Variants in C4orf17 observed in about 807,000 individuals in gnomAD.
C4orf17 encodes uncharacterized protein C4orf17.
Under a neutral mutation model 32.0 loss-of-function variants are expected in C4orf17, and 25 were observed. The observed-to-expected ratio is 0.78, with a 90% confidence interval of 0.57 to 1.09. C4orf17 has a LOEUF of 1.09. Ranked by LOEUF, C4orf17 falls within the 50% of genes least tolerant of loss-of-function variation. The pLI, the probability that C4orf17 is intolerant of heterozygous loss-of-function variation, is 0.00. For missense variants in C4orf17, 420 were observed against 420.0 expected (o/e 1.00, Z 0.00); for synonymous variants, 149 against 145.8 (o/e 1.02, Z -0.16).
chr4:99,537,939 G>A (rs1004894250), intron 6 of C4orf17, among the ~76,000 whole-genome samples, 189 bp downstream of exon 6: 1 of 152,136 alleles, frequency 6.6e-6, no homozygotes, highest in Non-Finnish European at 1.5e-5. Flanking sequence ...GTCATTCAAT[G>A]AACCCAAAAT....
At chr4:99,536,100 G>A (rs1285031782) in intron 5 of C4orf17, 1 of 368,224 alleles carries the variant, frequency 2.7e-6, no homozygotes, top group East Asian at 8.0e-5. Flanking sequence ...CCTTCCTCTG[G>A]GATCTCCATC....
chr4:99,521,414 T>C lies in C4orf17; in HGVS notation c.128-1086T>C, dbSNP rs531212349. Among the ~76,000 whole-genome samples, 4 of 152,174 alleles carry C rather than the reference T, an allele frequency of 2.6e-5. No individual in the cohort carries two copies. In the East Asian group the frequency reaches 7.7e-4, roughly 29 times the overall value. ...TAGATTTTAATTTGTGACCATTGCA[T>C]ATTGTGTATTTAAGATCTATATCTT... On this transcript the variant is annotated intron_variant, in intron 2 of 8. Coordinates refer to ENST00000326581, the MANE Select transcript of C4orf17 (RefSeq NM_032149.3).
At chr4:99,517,677 T>C (rs1723210829) in intron 2 of C4orf17, among the ~76,000 whole-genome samples, 1 of 152,238 alleles carries the variant, frequency 6.6e-6, no homozygotes, top group Non-Finnish European at 1.5e-5. Flanking sequence ...CAGTAAATGC[T>C]GGAGTCCCTC....
chr4:99,526,396 A>T (rs1723387958), intron 4 of C4orf17, among the ~76,000 whole-genome samples: 1 of 152,216 alleles, frequency 6.6e-6, no homozygotes. Flanking sequence ...TTCATTAAAA[A>T]TTTTTAGCAT....
rs372397868 is a variant in C4orf17 at position 99,539,232 on chromosome 4, G to T, written c.698G>T (p.Arg233Ile). 6.2e-7 allele frequency: 1 copy of T among 1,614,054 alleles called. No homozygotes were observed. The highest frequency in any genetic ancestry group is 8.5e-7 in the Non-Finnish European group (1 of 1,179,954). ...AEINLLTHHR[R>I]NTSMEPAAET... Reference sequence around the variant, plus strand: ...ATAAACCTGTTAACTCATCACAGAAGAAACACCTCAATGGAACCAGCAGCA... The same window carrying T: ...ATAAACCTGTTAACTCATCACAGAATAAACACCTCAATGGAACCAGCAGCA... The change falls in exon 7 of 9, where the codon AGA becomes ATA. Residue 233 changes from arginine (R) to isoleucine (I), a missense_variant. Physicochemically the swap from Arg to Ile is moderately conservative, Grantham distance 97 (BLOSUM62 -3). Transcript: ENST00000326581.
intron 5 of C4orf17, among the ~76,000 whole-genome samples, chr4:99,533,808 CG>C (rs35814216): frequency 0.35 from 53,592 of 151,740 alleles, 10,156 homozygotes; most frequent in African/African-American, 0.49. Context: ...AGATACCTTG[CG>C]GGAACATACC....
intron 5 of C4orf17, among the ~76,000 whole-genome samples, chr4:99,533,572 A>G (rs145665068): frequency 4.9e-4 from 74 of 152,320 alleles, no homozygotes; most frequent in African/African-American, 1.7e-3. Context: ...TTAGCATTTG[A>G]GGATGCTGAG....
intron 2 of C4orf17, among the ~76,000 whole-genome samples, chr4:99,518,577 AGAGAGAGG>A (rs1465198108): frequency 1.1e-4 from 13 of 123,336 alleles, no homozygotes; most frequent in Non-Finnish European, 1.7e-4. Flanking sequence ...AGAGAGAGAG[AGAGAGAGG>A]GAGGGAGACA....
chr4:99,537,653 T>C lies in C4orf17; in HGVS notation c.547-16T>C. The C allele has an allele frequency of 6.3e-7, 1 of 1,596,710 alleles. No homozygotes were observed. The highest frequency in any genetic ancestry group is 8.6e-7 in the Non-Finnish European group (1 of 1,166,614). On this transcript the variant is annotated splice_polypyrimidine_tract_variant and intron_variant, in intron 5 of 8. Transcript: ENST00000326581. ...CTATTTATTTGCTCATATGTAACTCTAATGTTCTCTGTCAGATCCTGGCAA... is the reference window on the plus strand; with the variant it reads ...CTATTTATTTGCTCATATGTAACTCCAATGTTCTCTGTCAGATCCTGGCAA...
chr4:99,515,401 T>C (rs1013178619), intron 2 of C4orf17, among the ~76,000 whole-genome samples: 1 of 152,160 alleles, frequency 6.6e-6, no homozygotes, highest in African/African-American at 2.4e-5. Context: ...TGTAGGGATA[T>C]GGATGGAGCT....
chr4:99,541,618 CTTCT>C (rs1441305459), intron 8 of C4orf17: 2 of 310,294 alleles, frequency 6.4e-6, no homozygotes, highest in Non-Finnish European at 1.2e-5. Flanking sequence ...ATAGATCTTC[CTTCT>C]TTCTCTCACT....
intron 5 of C4orf17, among the ~76,000 whole-genome samples, chr4:99,535,352 C>T (rs1307260742): frequency 1.3e-5 from 2 of 151,888 alleles, no homozygotes; most frequent in African/African-American, 2.4e-5. Context: ...GTTCCATTCT[C>T]CTCATCTCTT....
At chr4:99,537,399 CT>C (rs1723579681) in intron 5 of C4orf17, among the ~76,000 whole-genome samples, 1 of 152,150 alleles carries the variant, frequency 6.6e-6, no homozygotes, top group Non-Finnish European at 1.5e-5. Context: ...ACCCCCGCAG[CT>C]AATGCCCTCT....
intron 4 of C4orf17, among the ~76,000 whole-genome samples, chr4:99,528,750 C>A (rs1028576891): frequency 1.3e-5 from 2 of 152,144 alleles, no homozygotes; most frequent in African/African-American, 4.8e-5. Context: ...TAAAAACCAT[C>A]AGATCTCATG....
At chr4:99,521,374 C>CAAA (rs33958049) in intron 2 of C4orf17, among the ~76,000 whole-genome samples, 1 of 136,820 alleles carries the variant, frequency 7.3e-6, no homozygotes. Context: ...GACTATGTCT[C>CAAA]AAAAAAAAAA....
chr4:99,526,074 T>C (rs951038576), intron 4 of C4orf17, among the ~76,000 whole-genome samples: 1 of 152,228 alleles, frequency 6.6e-6, no homozygotes, highest in African/African-American at 2.4e-5. Flanking sequence ...CCTTGCCTTG[T>C]ACCTGATCGT....
At chr4:99,538,686 AG>A (rs974706033) in intron 6 of C4orf17, among the ~76,000 whole-genome samples, 1 of 152,200 alleles carries the variant, frequency 6.6e-6, no homozygotes, top group African/African-American at 2.4e-5. Flanking sequence ...TGAACCAGAA[AG>A]AAAAAAAGAG....
At chr4:99,513,509 C>T (rs1418799838) in intron 2 of C4orf17, among the ~76,000 whole-genome samples, 2 of 152,168 alleles carry the variant, frequency 1.3e-5, no homozygotes, top group Non-Finnish European at 2.9e-5. Flanking sequence ...GAGCTCAGGG[C>T]AGGCTTGACC....
At chr4:99,536,097 C>G in intron 5 of C4orf17, 5 of 370,746 alleles carry the variant, frequency 1.3e-5, no homozygotes, top group South Asian at 8.6e-5. Flanking sequence ...GCTCCTTCCT[C>G]TGGGATCTCC....
Sources: gnomAD v4.1 joint callset for allele counts (sites outside exome capture counted in the v4.1 genomes callset) on GRCh38, gnomAD v4.1.1 for gene constraint, MANE v1.5 for transcripts, NCBI Gene and HGNC (gene_info 2026-07-23, HGNC 2026-07-21) for gene names.